Variants in DAP observed in about 807,000 individuals in gnomAD.
The protein encoded by DAP is death-associated protein 1.
Under a neutral mutation model 13.8 loss-of-function variants are expected in DAP, and 8 were observed. The observed-to-expected ratio is 0.58, with a 90% CI of 0.34 to 1.05. DAP has a LOEUF of 1.05. DAP is among the 50% of genes least tolerant of loss of function. The pLI is 0.03. For synonymous variants in DAP, 47 were observed against 47.5 expected (o/e 0.99, Z 0.04); for missense variants, 106 against 133.2 (o/e 0.80, Z 1.01).
At chr5:10,696,643 A>T (rs2126642460) in intron 2 of DAP, among the ~76,000 whole-genome samples, 1 of 152,338 alleles carries the variant, frequency 6.6e-6, no homozygotes, top group South Asian at 2.1e-4. Flanking sequence ...TAGTGGCAAT[A>T]AGTAATGAAT....
intron 1 of DAP, among the ~76,000 whole-genome samples, chr5:10,750,662 C>T (rs143542127): frequency 7.9e-5 from 12 of 152,152 alleles, no homozygotes; most frequent in African/African-American, 2.2e-4. Flanking sequence ...TTTTCTTGTG[C>T]GTTCAATTCC....
intron 2 of DAP, among the ~76,000 whole-genome samples, chr5:10,722,023 G>C (rs971363230): frequency 6.6e-6 from 1 of 152,146 alleles, no homozygotes; most frequent in African/African-American, 2.4e-5. Flanking sequence ...ATTATGTTAG[G>C]TGTAATTATG....
At chr5:10,759,824 G>A (rs1282880446) in intron 1 of DAP, among the ~76,000 whole-genome samples, 1 of 128,044 alleles carries the variant, frequency 7.8e-6, no homozygotes, top group Non-Finnish European at 1.6e-5. Flanking sequence ...GCTCAATCTT[G>A]GCTCACTACA....
At chr5:10,691,959 C>T (rs1738319867) in intron 2 of DAP, among the ~76,000 whole-genome samples, 1 of 152,204 alleles carries the variant, frequency 6.6e-6, no homozygotes, top group African/African-American at 2.4e-5. Context: ...TCTAAATTTT[C>T]TTAATGAAGA....
intron 2 of DAP, among the ~76,000 whole-genome samples, chr5:10,701,203 T>C (rs1258175876): frequency 6.6e-6 from 1 of 152,230 alleles, no homozygotes; most frequent in Non-Finnish European, 1.5e-5. Context: ...GTGAGATACA[T>C]GCATAAAGCA....
At chr5:10,710,260 C>T (rs1738813858) in intron 2 of DAP, among the ~76,000 whole-genome samples, 1 of 152,232 alleles carries the variant, frequency 6.6e-6, no homozygotes, top group Admixed American at 6.5e-5. Context: ...GCCTCAATCA[C>T]ACCAAATCCC....
At chr5:10,742,081 G>C (rs979347638) in intron 2 of DAP, among the ~76,000 whole-genome samples, 18 of 152,262 alleles carry the variant, frequency 1.2e-4, no homozygotes, top group African/African-American at 4.3e-4. Flanking sequence ...CAATTACTGT[G>C]CTGTTTGCCT....
At chr5:10,734,938 G>A (rs972099554) in intron 2 of DAP, among the ~76,000 whole-genome samples, 11 of 151,982 alleles carry the variant, frequency 7.2e-5, no homozygotes, top group South Asian at 2.1e-4. Flanking sequence ...GTCCCTCACC[G>A]GCCTCCTGGT....
chr5:10,699,231 A>G (rs1327208408), intron 2 of DAP, among the ~76,000 whole-genome samples: 1 of 152,324 alleles, frequency 6.6e-6, no homozygotes, highest in East Asian at 1.9e-4. Flanking sequence ...TACGGTGTTT[A>G]TAAGTATCAA....
chr5:10,715,044 T>C (rs948160860), intron 2 of DAP, among the ~76,000 whole-genome samples: 2 of 152,160 alleles, frequency 1.3e-5, no homozygotes, highest in African/African-American at 4.8e-5. Context: ...GACTAACACA[T>C]ACGAATATAC....
At position 10,680,594 on chromosome 5, in the gene DAP, C is replaced by T. The variant is rs1360282535; in HGVS notation, c.*462G>A. On this transcript the variant is annotated 3_prime_UTR_variant, in exon 4 of 4. Transcript: ENST00000230895. The stretch of plus-strand genomic sequence containing the variant: ...GCCTCTAAGGTCCTTTATGAGGGGC[C>T]GCCCAAACTCATTCCCTTAGTTCTT... 9.6e-6 allele frequency: 8 copies of T among 834,248 alleles called. No individual in the cohort carries two copies. Among genetic ancestry groups the T allele is most frequent in the East Asian group, 2.7e-5 (1 of 37,732 alleles). The allele number at this position is 834,248 out of a possible 1,614,324, so 51.7% of individuals were successfully genotyped here. A position where few individuals can be genotyped will look rare whatever the true frequency, so the allele number is the denominator to read the frequency against.
In DAP at chr5:10,681,921, G is replaced by T. The variant is rs558553294; in HGVS notation, c.196-752C>A. On this transcript the variant is annotated intron_variant, in intron 3 of 3. Transcript: ENST00000230895. ...CCACCAGCATCCCTGCAGGAAGCATGGCGGTTGTATATGAGGAAGCTCCAG... is the reference window on the plus strand; with the variant it reads ...CCACCAGCATCCCTGCAGGAAGCATTGCGGTTGTATATGAGGAAGCTCCAG... 3.9e-5 allele frequency among the ~76,000 whole-genome samples: 6 copies of T among 151,922 alleles called. No individual in the cohort carries two copies. The East Asian group carries it at 1.2e-3, about 29-fold the overall frequency.
chr5:10,711,475 C>T (rs5745233), intron 2 of DAP, among the ~76,000 whole-genome samples: 8,302 of 152,334 alleles, frequency 0.054, 266 homozygotes, highest in South Asian at 0.085. Context: ...CTAATGACTG[C>T]CCCCACACTG....
At chr5:10,722,581 T>C (rs892699640) in intron 2 of DAP, among the ~76,000 whole-genome samples, 11 of 120,660 alleles carry the variant, frequency 9.1e-5, no homozygotes, top group East Asian at 4.2e-4. Flanking sequence ...TACATACATA[T>C]ATATACATAT....
At chr5:10,730,414 T>TG (rs1197095790) in intron 2 of DAP, among the ~76,000 whole-genome samples, 3 of 151,342 alleles carry the variant, frequency 2.0e-5, no homozygotes, top group Non-Finnish European at 3.0e-5. Flanking sequence ...AGAGCCCCGG[T>TG]GGGGGGGAAT....
chr5:10,750,535 T>C (rs1368503522), intron 1 of DAP, among the ~76,000 whole-genome samples: 1 of 152,214 alleles, frequency 6.6e-6, no homozygotes, highest in African/African-American at 2.4e-5. Flanking sequence ...CAGAATCCTG[T>C]TCAGTAATCC....
In DAP at chr5:10,684,378, G is replaced by C. The variant is rs1020940757; in HGVS notation, c.153-807C>G. ...TGAGCATTACAAATATAAGGTCCTT[G>C]GGAAACATGTCACCTCTTGACATGT... On this transcript the variant is annotated intron_variant, in intron 2 of 3. Transcript: ENST00000230895. 2.0e-5 allele frequency among the ~76,000 whole-genome samples: 3 copies of C among 152,214 alleles called. No individual in the cohort carries two copies. The East Asian group carries it at 5.8e-4, about 29-fold the overall frequency.
intron 2 of DAP, among the ~76,000 whole-genome samples, chr5:10,697,293 C>T (rs563932583): frequency 3.3e-5 from 5 of 152,308 alleles, no homozygotes; most frequent in Admixed American, 1.3e-4. Flanking sequence ...GACAGATGCG[C>T]GGCTGTCCAG....
chr5:10,694,106 C>A (rs1204011248), intron 2 of DAP, among the ~76,000 whole-genome samples: 7 of 151,830 alleles, frequency 4.6e-5, no homozygotes, highest in Non-Finnish European at 1.0e-4. Flanking sequence ...CGACTCTGTT[C>A]CTCAGTCTCG....
Sources: gnomAD v4.1 joint callset for allele counts (sites outside exome capture counted in the v4.1 genomes callset) on GRCh38, gnomAD v4.1.1 for gene constraint, MANE v1.5 for transcripts, NCBI Gene and HGNC (gene_info 2026-07-23, HGNC 2026-07-21) for gene names.